ASIC2: variants seen among roughly 807,000 people sequenced by gnomAD.
The protein encoded by ASIC2 is acid-sensing ion channel 2.
Under a neutral mutation model 57.3 loss-of-function variants are expected in ASIC2, and 25 were observed. The ratio of observed to expected loss-of-function variants is 0.44; its 90% CI spans 0.32 to 0.61. The LOEUF (loss-of-function observed/expected upper bound fraction) is 0.61. ASIC2 is among the 20% of genes least tolerant of loss of function. The pLI is 0.06. For synonymous variants in ASIC2, 319 were observed against 307.5 expected (o/e 1.04, Z -0.39); for missense variants, 641 against 738.1 (o/e 0.87, Z 1.52).
At chr17:33,211,501 A>T (rs138710149) in intron 1 of ASIC2, among the ~76,000 whole-genome samples, 81 of 151,780 alleles carry the variant, frequency 5.3e-4, no homozygotes, top group African/African-American at 1.9e-3. Flanking sequence ...GCCTTATCTG[A>T]ATAAAGATAG....
chr17:34,025,921 T>C (rs541747690), intron 1 of ASIC2, among the ~76,000 whole-genome samples: 2 of 152,354 alleles, frequency 1.3e-5, no homozygotes, highest in Non-Finnish European at 2.9e-5. Context: ...ACCAGGATTG[T>C]GTCTTTATCA....
At chr17:33,341,321 A>G (rs1439607848) in intron 1 of ASIC2, among the ~76,000 whole-genome samples, 1 of 152,206 alleles carries the variant, frequency 6.6e-6, no homozygotes, top group Non-Finnish European at 1.5e-5. Flanking sequence ...ACCATGGAGA[A>G]ACTCTTCTTA....
intron 1 of ASIC2, among the ~76,000 whole-genome samples, chr17:33,662,869 C>T (rs1363136586): frequency 1.3e-5 from 2 of 151,884 alleles, no homozygotes; most frequent in African/African-American, 4.8e-5. Flanking sequence ...GGTCACGTAC[C>T]AGCAAGCAGG....
rs1367310422 is a variant in ASIC2 at position 33,767,495 on chromosome 17, GA to G, written c.555+388482del. 2.0e-5 allele frequency among the ~76,000 whole-genome samples: 3 copies of G among 152,302 alleles called. No individual in the cohort carries two copies. In the East Asian group the frequency reaches 5.8e-4, roughly 29 times the overall value. On this transcript the variant is annotated intron_variant, in intron 1 of 9. Coordinates refer to the ASIC2 transcript ENST00000359872. ...TTATTTCCACAAGCAGGAAATCCAA[GA>G]AACTTTCAGAAGCTGTTCATACAAG...
chr17:33,761,402 A>G (rs1483364244), intron 1 of ASIC2, among the ~76,000 whole-genome samples: 2 of 152,086 alleles, frequency 1.3e-5, no homozygotes, highest in East Asian at 1.9e-4. Context: ...GGCCCTCAAC[A>G]CAGGGATGGG....
intron 1 of ASIC2, among the ~76,000 whole-genome samples, chr17:33,213,180 G>A (rs1008457258): frequency 1.3e-5 from 2 of 152,204 alleles, no homozygotes; most frequent in Non-Finnish European, 1.5e-5. Context: ...AATCCCACAG[G>A]GGGAAGCTCC....
chr17:34,018,771 T>A (rs777383983), intron 1 of ASIC2, among the ~76,000 whole-genome samples: 5 of 152,184 alleles, frequency 3.3e-5, no homozygotes, highest in Admixed American at 6.5e-5. Flanking sequence ...TGAAATGACA[T>A]CTTTCTAAGG....
chr17:33,613,496 C>G (rs1905485934), intron 1 of ASIC2, among the ~76,000 whole-genome samples: 1 of 151,594 alleles, frequency 6.6e-6, no homozygotes. Context: ...TCACGAGTAG[C>G]TGGGACTACA....
At chr17:34,014,941 G>C (rs1433376909) in intron 1 of ASIC2, among the ~76,000 whole-genome samples, 3 of 151,058 alleles carry the variant, frequency 2.0e-5, no homozygotes, top group Non-Finnish European at 4.4e-5. Context: ...CTGATGTGCA[G>C]TGGCACAATC....
At chr17:33,513,582 C>T (rs1476815711) in intron 1 of ASIC2, among the ~76,000 whole-genome samples, 1 of 152,224 alleles carries the variant, frequency 6.6e-6, no homozygotes, top group African/African-American at 2.4e-5. Flanking sequence ...AAGCCAACTT[C>T]CCAACTTCTG....
chr17:33,588,196 A>T (rs1305530145), intron 1 of ASIC2, among the ~76,000 whole-genome samples: 1 of 152,238 alleles, frequency 6.6e-6, no homozygotes, highest in African/African-American at 2.4e-5. Context: ...TCTCAAAGGT[A>T]TGACATCACA....
chr17:33,692,265 T>G (rs964190967), intron 1 of ASIC2: 4 of 152,136 alleles, frequency 2.6e-5, no homozygotes, highest in African/African-American at 9.7e-5. Flanking sequence ...CTTCACCCTC[T>G]TCACAGGAAC....
chr17:33,147,319 T>C (rs1904601205), intron 1 of ASIC2, among the ~76,000 whole-genome samples: 2 of 152,242 alleles, frequency 1.3e-5, no homozygotes, highest in South Asian at 2.1e-4. Context: ...ATGTGCATTG[T>C]GGATTCAGAT....
intron 1 of ASIC2, among the ~76,000 whole-genome samples, chr17:33,897,582 A>G (rs1217305021): frequency 6.6e-6 from 1 of 152,258 alleles, no homozygotes; most frequent in Admixed American, 6.5e-5. Context: ...TACAATATGC[A>G]AAAGCCATGG....
At chr17:33,170,527 T>A (rs1905472652) in intron 1 of ASIC2, among the ~76,000 whole-genome samples, 2 of 152,190 alleles carry the variant, frequency 1.3e-5, no homozygotes, top group African/African-American at 4.8e-5. Flanking sequence ...ATTTCATCCT[T>A]ATGGCCCTGT....
At chr17:33,252,864 T>G (rs1309757123) in intron 1 of ASIC2, among the ~76,000 whole-genome samples, 3 of 152,196 alleles carry the variant, frequency 2.0e-5, no homozygotes, top group Admixed American at 2.0e-4. Flanking sequence ...GCAGACTGCC[T>G]TGGCCTCTTA....
At chr17:33,818,724 C>T (rs979008307) in intron 1 of ASIC2, among the ~76,000 whole-genome samples, 3 of 151,314 alleles carry the variant, frequency 2.0e-5, no homozygotes, top group African/African-American at 4.8e-5. Flanking sequence ...GATTGAGAAA[C>T]CCTAGATGAT....
intron 1 of ASIC2, among the ~76,000 whole-genome samples, chr17:33,466,481 GA>G (rs746297067): frequency 1.4e-4 from 21 of 150,838 alleles, no homozygotes; most frequent in African/African-American, 4.4e-4. Flanking sequence ...ACAGAATTGG[GA>G]AAAAAAAACC....
At chr17:33,302,828 A>G (rs1906014639) in intron 1 of ASIC2, among the ~76,000 whole-genome samples, 1 of 152,232 alleles carries the variant, frequency 6.6e-6, no homozygotes, top group Non-Finnish European at 1.5e-5. Flanking sequence ...CCAGGTATCT[A>G]CCAGGTACTA....
Sources: gnomAD v4.1 joint callset for allele counts (sites outside exome capture counted in the v4.1 genomes callset) on GRCh38, gnomAD v4.1.1 for gene constraint, MANE v1.5 for transcripts, NCBI Gene and HGNC (gene_info 2026-07-23, HGNC 2026-07-21) for gene names.